The following CLIC5 variants were observed in gnomAD, a reference collection of about 807,000 sequenced individuals.
CLIC5 encodes the protein chloride intracellular channel protein 5.
A neutral mutation model predicts 24.7 loss-of-function variants in CLIC5; 20 were observed. The ratio of observed to expected loss-of-function variants is 0.81; its 90% CI spans 0.57 to 1.18. The LOEUF (loss-of-function observed/expected upper bound fraction) is 1.18. Ranked by LOEUF, CLIC5 falls within the 50% of genes most tolerant of loss-of-function variation. The probability of loss-of-function intolerance (pLI) is 0.00; values close to 1 mark genes in which losing one functional copy is unlikely to be tolerated. For missense variants in CLIC5, 341 were observed against 326.1 expected (o/e 1.05, Z -0.35); for synonymous variants, 159 against 135.6 (o/e 1.17, Z -1.20).
chr6:45,963,411 C>T (rs1038118878), intron 1 of CLIC5, among the ~76,000 whole-genome samples: 2 of 152,094 alleles, frequency 1.3e-5, no homozygotes, highest in Admixed American at 6.5e-5. Flanking sequence ...AATTTTGGAG[C>T]ATAGGGTCCC....
At chr6:46,004,037 T>C (rs1404382946) in intron 1 of CLIC5, among the ~76,000 whole-genome samples, 1 of 152,220 alleles carries the variant, frequency 6.6e-6, no homozygotes, top group Non-Finnish European at 1.5e-5. Flanking sequence ...AAGGAACCAT[T>C]TTAACAGAAT....
intron 4 of CLIC5, among the ~76,000 whole-genome samples, chr6:45,916,220 T>A (rs1198067731): frequency 1.3e-5 from 2 of 152,214 alleles, no homozygotes; most frequent in East Asian, 3.8e-4. Flanking sequence ...TTCTCCCTGG[T>A]GTGGCATTTG....
At chr6:45,955,093 C>T (rs1764598645) in intron 2 of CLIC5, 42 bp downstream of exon 2, 2 of 1,460,918 alleles carry the variant, frequency 1.4e-6, no homozygotes, top group East Asian at 4.5e-5. Flanking sequence ...GTTCTCTGTT[C>T]ATGCAGCTAA....
chr6:46,013,756 A>G (rs189256327), intron 1 of CLIC5, among the ~76,000 whole-genome samples: 1 of 152,316 alleles, frequency 6.6e-6, no homozygotes, highest in Non-Finnish European at 1.5e-5. Flanking sequence ...CTTTGGTTCT[A>G]AAGAACCTAT....
At chr6:46,000,042 G>T (rs192730113) in intron 1 of CLIC5, among the ~76,000 whole-genome samples, 1 of 72,636 alleles carries the variant, frequency 1.4e-5, no homozygotes, top group Non-Finnish European at 2.3e-5. Flanking sequence ...GAGCCACCGC[G>T]CCCGGCCTTC....
chr6:46,089,532 G>T, the CLIC5 span, among the ~76,000 whole-genome samples: 1 of 152,052 alleles, frequency 6.6e-6, no homozygotes, highest in Non-Finnish European at 1.5e-5. Flanking sequence ...TCCCTGCCTG[G>T]ATACTCACAC....
intron 1 of CLIC5, among the ~76,000 whole-genome samples, chr6:46,047,874 T>C (rs1014740928): frequency 7.9e-5 from 12 of 152,342 alleles, no homozygotes; most frequent in Admixed American, 5.2e-4. Context: ...GTATATGTTA[T>C]CCACATAATA....
chr6:46,096,058 G>A, the CLIC5 span, among the ~76,000 whole-genome samples: 1 of 152,206 alleles, frequency 6.6e-6, no homozygotes, highest in African/African-American at 2.4e-5. Flanking sequence ...GGAGGCCTCA[G>A]GGAGCTTTTA....
intron 4 of CLIC5, chr6:45,932,832 GA>G (rs1218316830): frequency 6.6e-6 from 1 of 152,296 alleles, no homozygotes; most frequent in East Asian, 1.9e-4. Flanking sequence ...AAAGAGCGAG[GA>G]ATGCACCTGT....
intron 1 of CLIC5, among the ~76,000 whole-genome samples, chr6:45,984,686 C>T (rs1765674488): frequency 6.6e-6 from 1 of 152,200 alleles, no homozygotes; most frequent in African/African-American, 2.4e-5. Flanking sequence ...TAGTTACCCA[C>T]AAAATGGAGT....
At chr6:45,990,277 AC>A (rs1473333018) in intron 1 of CLIC5, among the ~76,000 whole-genome samples, 1 of 152,212 alleles carries the variant, frequency 6.6e-6, no homozygotes, top group Non-Finnish European at 1.5e-5. Context: ...ATGCCCTATT[AC>A]TTTTTAAAGT....
chr6:46,020,743 A>T (rs1767153888), upstream of CLIC5, among the ~76,000 whole-genome samples: 1 of 152,030 alleles, frequency 6.6e-6, no homozygotes, highest in Non-Finnish European at 1.5e-5. Context: ...AAAAGATGGG[A>T]TATCAACTAT....
chr6:45,980,303 G>T (rs186691438), intron 1 of CLIC5, among the ~76,000 whole-genome samples: 1 of 152,142 alleles, frequency 6.6e-6, no homozygotes, highest in African/African-American at 2.4e-5. Flanking sequence ...AGCAAATAAA[G>T]GCAGGAACAT....
chr6:45,932,817 C>T (rs1236197343), intron 4 of CLIC5: 3 of 152,264 alleles, frequency 2.0e-5, no homozygotes, highest in African/African-American at 7.2e-5. Flanking sequence ...AACAAGAAGA[C>T]AAGGAAAGAG....
intron 4 of CLIC5, among the ~76,000 whole-genome samples, chr6:45,927,534 G>A (rs779912684): frequency 6.6e-6 from 1 of 152,152 alleles, no homozygotes; most frequent in African/African-American, 2.4e-5. Context: ...GATTTACAAA[G>A]ACAAAACGTA....
chr6:45,911,002 A>G (rs1762800405), intron 5 of CLIC5, among the ~76,000 whole-genome samples: 1 of 152,206 alleles, frequency 6.6e-6, no homozygotes, highest in Non-Finnish European at 1.5e-5. Context: ...ACATAGCAGG[A>G]ACTCTGCTTT....
chr6:46,014,480 CTT>C (rs1766922162), intron 1 of CLIC5: 1 of 152,212 alleles, frequency 6.6e-6, no homozygotes, highest in African/African-American at 2.4e-5. Context: ...TCTAGGGAAA[CTT>C]TGCACTGAGA....
At chr6:45,979,976 G>T (rs1160927061) in intron 1 of CLIC5, among the ~76,000 whole-genome samples, 2 of 57,724 alleles carry the variant, frequency 3.5e-5, no homozygotes, top group Non-Finnish European at 3.7e-5. Context: ...TTTTTGCCAA[G>T]GTTGATGTCT....
At chr6:45,944,651 C>T (rs893251508) in intron 3 of CLIC5, among the ~76,000 whole-genome samples, 2 of 151,814 alleles carry the variant, frequency 1.3e-5, no homozygotes, top group African/African-American at 4.8e-5. Flanking sequence ...GGTTTAGAGT[C>T]CCAGCTGACT....
Sources: gnomAD v4.1 joint callset for allele counts (sites outside exome capture counted in the v4.1 genomes callset) on GRCh38, gnomAD v4.1.1 for gene constraint, MANE v1.5 for transcripts, NCBI Gene and HGNC (gene_info 2026-07-23, HGNC 2026-07-21) for gene names.